Variants in RYR2 observed in about 807,000 individuals in gnomAD.
RYR2 encodes the protein cardiac muscle ryanodine receptor-calcium release channel.
RYR2 carries 227 observed loss-of-function variants against 601.1 expected under a neutral mutation model. The observed-to-expected ratio is 0.38, with a 90% CI of 0.34 to 0.42. RYR2 has a LOEUF of 0.42. Among genes scored for constraint, RYR2 ranks in the 10% least tolerant of loss-of-function variants. RYR2 has a pLI of 1.00. For missense variants in RYR2, 4,646 were observed against 6,156.5 expected (o/e 0.75, Z 8.21); for synonymous variants, 2,223 against 2,175.1 (o/e 1.02, Z -0.61).
chr1:237,442,439 C>T (rs925519370), intron 13 of RYR2, among the ~76,000 whole-genome samples: 8 of 152,116 alleles, frequency 5.3e-5, no homozygotes, highest in Non-Finnish European at 1.2e-4. Flanking sequence ...CTTTCCTTTC[C>T]TCCTGTCTTT....
intron 101 of RYR2, among the ~76,000 whole-genome samples, chr1:237,821,380 A>T (rs969095593): frequency 6.6e-6 from 1 of 152,190 alleles, no homozygotes; most frequent in Admixed American, 6.5e-5. Flanking sequence ...ATACCCAGGC[A>T]AACAGGGTCT....
chr1:237,089,485 C>T (rs573941498), intron 1 of RYR2, among the ~76,000 whole-genome samples: 2 of 152,124 alleles, frequency 1.3e-5, no homozygotes, highest in Admixed American at 1.3e-4. Flanking sequence ...AAGAGGTAAC[C>T]ATCTAGCCAC....
At chr1:237,531,606 T>G (rs1355898892) in intron 25 of RYR2, among the ~76,000 whole-genome samples, 1 of 152,210 alleles carries the variant, frequency 6.6e-6, no homozygotes, top group Non-Finnish European at 1.5e-5. Flanking sequence ...GTAGAAATTG[T>G]GCTTTTGCTG....
intron 29 of RYR2, among the ~76,000 whole-genome samples, chr1:237,574,642 C>T (rs955951166): frequency 1.3e-5 from 2 of 152,142 alleles, no homozygotes; most frequent in African/African-American, 4.8e-5. Context: ...AAGAAGCAGA[C>T]TGCTGTGGTA....
chr1:237,679,868 G>A (rs71642902), intron 61 of RYR2, among the ~76,000 whole-genome samples: 67 of 152,322 alleles, frequency 4.4e-4, no homozygotes, highest in African/African-American at 1.6e-3. Context: ...GCGTGTACGA[G>A]GCCAGGTGAT....
chr1:237,266,308 T>C (rs1178977885), intron 1 of RYR2, among the ~76,000 whole-genome samples: 2 of 151,242 alleles, frequency 1.3e-5, no homozygotes, highest in Non-Finnish European at 2.9e-5. Context: ...TGTTGGTCTT[T>C]ATTCTTGGAA....
intron 101 of RYR2, among the ~76,000 whole-genome samples, chr1:237,823,302 G>T (rs1381309197): frequency 1.3e-5 from 2 of 152,144 alleles, no homozygotes; most frequent in Non-Finnish European, 2.9e-5. Flanking sequence ...CTCAGCAACT[G>T]CAAAAGAATG....
At position 237,610,128 on chromosome 1, in the gene RYR2, CTT is replaced by C. The variant is rs969647446; in HGVS notation, c.4684-631_4684-630del. Among the ~76,000 whole-genome samples, 47 of 152,210 alleles carry C rather than the reference CTT, an allele frequency of 3.1e-4. No individual in the cohort carries two copies. The highest frequency in any genetic ancestry group is 1.1e-3 in the African/African-American group (46 of 41,530). The stretch of plus-strand genomic sequence containing the variant: ...TCAAGATCATAGATAAATGAAGAAA[CTT>C]TTGGCAAAGCAGAGACCTCTCTTTC... On this transcript the variant is annotated intron_variant, in intron 35 of 104. Transcript: ENST00000366574. This position sits in a 1 kb window ranked among gnomAD's most constrained non-coding sequence, Gnocchi z 4.9.
chr1:237,192,175 GA>G lies in RYR2; in HGVS notation c.49-78308del, dbSNP rs568939770. On this transcript the variant is annotated intron_variant, in intron 1 of 104. Coordinates refer to ENST00000366574, the MANE Select transcript of RYR2 (RefSeq NM_001035.3). The stretch of plus-strand genomic sequence containing the variant: ...AATACTGCGGCCTCTGCTTTCTCCA[GA>G]AAAAAAAAAAAAACATTTTCTTATT... 1.6e-3 allele frequency among the ~76,000 whole-genome samples: 197 copies of G among 122,694 alleles called. 1 individual carries two copies. Among genetic ancestry groups the G allele is most frequent in the Middle Eastern group, 8.3e-3 (2 of 242 alleles). 80.5% of individuals were successfully genotyped at this position (122,694 alleles called of 152,430 possible).
At chr1:237,785,863 G>C in intron 90 of RYR2, 106 bp from the exon 91 acceptor site, 4 of 793,312 alleles carry the variant, frequency 5.0e-6, no homozygotes, top group Non-Finnish European at 4.3e-6. Context: ...TAAGCAAGAG[G>C]GTATCTTATA....
Position 237,456,575 on chromosome 1 carries a change from ATT to A in RYR2, c.1477-12_1477-11del, listed in dbSNP as rs397516518. 0.011 allele frequency: 14,894 copies of A among 1,344,904 alleles called. No homozygotes were observed. Among genetic ancestry groups the A allele is most frequent in the South Asian group, 0.026 (1,428 of 54,686 alleles). The allele number at this position is 1,344,904 out of a possible 1,614,324, so 83.3% of individuals were successfully genotyped here. On this transcript the variant is annotated intron_variant, in intron 15 of 104. Transcript: ENST00000366574. ...TGACAGTTTTGGATGTCTGATTGTG[ATT>A]TTTTTTTTTTTTAACGTTCCAGGGA...
chr1:237,831,441 T>C (rs1574129176), intron 103 of RYR2, 73 bp from the exon 104 acceptor site: 2 of 833,984 alleles, frequency 2.4e-6, no homozygotes, highest in East Asian at 5.0e-5. Flanking sequence ...ACCATACAAT[T>C]TATCTAAATA....
intron 87 of RYR2, among the ~76,000 whole-genome samples, chr1:237,777,504 G>A (rs1694762148): frequency 6.6e-6 from 1 of 152,214 alleles, no homozygotes. Context: ...GAAGGAATTT[G>A]AAGTTAAGAA....
chr1:237,622,364 A>T (rs1344213225), intron 38 of RYR2, among the ~76,000 whole-genome samples: 1 of 152,234 alleles, frequency 6.6e-6, no homozygotes, highest in Admixed American at 6.5e-5. Flanking sequence ...AAACATTTTG[A>T]GCACTGAAAT....
At chr1:237,547,556 G>A (rs1278389287) in intron 25 of RYR2, among the ~76,000 whole-genome samples, 1 of 152,124 alleles carries the variant, frequency 6.6e-6, no homozygotes, top group Admixed American at 6.5e-5. Flanking sequence ...AGTCAATAAT[G>A]GAGAATACAA....
intron 29 of RYR2, among the ~76,000 whole-genome samples, chr1:237,588,780 C>T (rs1037094530): frequency 1.3e-5 from 2 of 151,920 alleles, no homozygotes; most frequent in Non-Finnish European, 2.9e-5. Flanking sequence ...TTGCAGTGAG[C>T]CAAGATCACA....
At chr1:237,658,838 C>G (rs193051086) in intron 54 of RYR2, among the ~76,000 whole-genome samples, 38 of 152,234 alleles carry the variant, frequency 2.5e-4, no homozygotes, top group African/African-American at 9.1e-4. Flanking sequence ...TAGATTACAT[C>G]GGCCAGGTGA....
At chr1:237,273,467 T>C (rs1689917689) in intron 2 of RYR2, among the ~76,000 whole-genome samples, 1 of 152,088 alleles carries the variant, frequency 6.6e-6, no homozygotes. Context: ...GAAAACCAAA[T>C]TGCAGTACAG....
Position 237,833,340 on chromosome 1 carries a change from A to C in RYR2, c.*693A>C, listed in dbSNP as rs867684626. The C allele has an allele frequency of 6.7e-6, 1 of 148,254 alleles. No individual in the cohort carries two copies. Among genetic ancestry groups the C allele is most frequent in the Non-Finnish European group, 1.5e-5 (1 of 67,332 alleles). 9.2% of individuals were successfully genotyped at this position (148,254 alleles called of 1,614,324 possible). On this transcript the variant is annotated 3_prime_UTR_variant, in exon 105 of 105. Transcript: ENST00000366574. ...AAAGGAGGCTCTTCTCATTCAGCTAAATTCACATTTGCCCCCCCCCCCCGC... is the reference window on the plus strand; with the variant it reads ...AAAGGAGGCTCTTCTCATTCAGCTACATTCACATTTGCCCCCCCCCCCCGC...
Sources: allele counts gnomAD v4.1 joint callset (sites outside exome capture counted in the v4.1 genomes callset), GRCh38; gene constraint gnomAD v4.1.1; non-coding constraint Gnocchi (gnomAD v3.1); transcripts MANE v1.5; gene names NCBI Gene and HGNC (gene_info 2026-07-23, HGNC 2026-07-21).